Variants in GABPB1 observed in about 807,000 individuals in gnomAD.
GABPB1 encodes GA binding protein transcription factor subunit beta 1, also known as GA-binding protein subunit beta-1.
A neutral mutation model predicts 45.9 loss-of-function variants in GABPB1; 15 were observed. That is an observed-to-expected ratio of 0.33 (90% CI 0.22 to 0.50). The LOEUF (loss-of-function observed/expected upper bound fraction) is 0.50, where lower values mean the gene tolerates loss of function less well. GABPB1 is among the 20% of genes least tolerant of loss of function. GABPB1 has a pLI of 0.98. For missense variants in GABPB1, 252 were observed against 457.5 expected (o/e 0.55, Z 4.10); for synonymous variants, 143 against 154.4 (o/e 0.93, Z 0.55).
chr15:50,353,389 GGTT>G (rs1475696482), intron 1 of GABPB1: 1 of 151,570 alleles, frequency 6.6e-6, no homozygotes, highest in Non-Finnish European at 1.5e-5. Flanking sequence ...TCTGTTTTTT[GGTT>G]TTTTTTTTAA....
Position 50,355,129 on chromosome 15 carries a change from C to T in GABPB1, c.-145G>A, listed in dbSNP as rs2049052863. The T allele has an allele frequency of 6.5e-6, 1 of 153,128 alleles. No individual in the cohort carries two copies. The highest frequency in any genetic ancestry group is 1.5e-5 in the Non-Finnish European group (1 of 68,288). The allele number at this position is 153,128 out of a possible 1,614,324, so 9.5% of individuals were successfully genotyped here. On this transcript the variant is annotated 5_prime_UTR_variant, in exon 1 of 9. Coordinates refer to ENST00000380877, the MANE Select transcript of GABPB1 (RefSeq NM_016654.5). ...AGGGCGCTATTTTCCGAAAATGCCG[C>T]GTCTGGTCGGCGCCCAAAATCCCCA... is the stretch of plus-strand genomic sequence containing the variant.
chr15:50,323,640 C>T (rs1413076315), intron 1 of GABPB1, among the ~76,000 whole-genome samples: 3 of 152,094 alleles, frequency 2.0e-5, no homozygotes, highest in African/African-American at 4.8e-5. Context: ...CAGGAGCATC[C>T]CTTGAGCCCA....
intron 2 of GABPB1, among the ~76,000 whole-genome samples, chr15:50,305,868 A>G (rs965772183): frequency 2.4e-4 from 36 of 152,010 alleles, no homozygotes; most frequent in African/African-American, 8.7e-4. Flanking sequence ...TGTACCTTCA[A>G]ACTTCTGAGC....
At chr15:50,352,893 AATAAGT>A (rs939875297) in intron 1 of GABPB1, 17 of 152,288 alleles carry the variant, frequency 1.1e-4, no homozygotes, top group African/African-American at 2.9e-4. Flanking sequence ...ATTGTCTCCC[AATAAGT>A]ATAATTGTCT....
intron 1 of GABPB1, among the ~76,000 whole-genome samples, chr15:50,332,130 C>G (rs28721513): frequency 0.027 from 4,112 of 152,204 alleles, 101 homozygotes; most frequent in African/African-American, 0.068. Flanking sequence ...CTGCCTCGGC[C>G]TCCCAAAGTG....
chr15:50,329,014 T>G (rs1437424174), intron 1 of GABPB1, among the ~76,000 whole-genome samples: 1 of 152,242 alleles, frequency 6.6e-6, no homozygotes, highest in Non-Finnish European at 1.5e-5. Flanking sequence ...TTTCTTCTGA[T>G]GTTCAAATTG....
intron 1 of GABPB1, among the ~76,000 whole-genome samples, chr15:50,312,232 A>AC: frequency 6.6e-6 from 1 of 152,246 alleles, no homozygotes; most frequent in Non-Finnish European, 1.5e-5. Flanking sequence ...TCAAAAAAAA[A>AC]AAATAATCTA....
intron 1 of GABPB1, among the ~76,000 whole-genome samples, chr15:50,323,888 A>G (rs1567526415): frequency 1.3e-5 from 2 of 152,082 alleles, no homozygotes; most frequent in South Asian, 4.1e-4. Flanking sequence ...ATTAATTCAT[A>G]AATAAATAAA....
intron 1 of GABPB1, chr15:50,353,632 C>T (rs1447027662): frequency 6.6e-6 from 1 of 151,150 alleles, no homozygotes. Context: ...TCCTTAAATT[C>T]AAAGTCTGAG....
At chr15:50,286,562 T>C (rs1280290346) in intron 7 of GABPB1, among the ~76,000 whole-genome samples, 2 of 152,200 alleles carry the variant, frequency 1.3e-5, no homozygotes, top group Non-Finnish European at 1.5e-5. Context: ...TAAAAATTAG[T>C]ATACATTCTC....
At chr15:50,319,339 T>C (rs2047470763) in intron 1 of GABPB1, among the ~76,000 whole-genome samples, 1 of 152,208 alleles carries the variant, frequency 6.6e-6, no homozygotes, top group African/African-American at 2.4e-5. Context: ...ACGTATATAT[T>C]GCATCGTGGT....
At chr15:50,293,186 T>C (rs558140828) in intron 6 of GABPB1, among the ~76,000 whole-genome samples, 4 of 152,332 alleles carry the variant, frequency 2.6e-5, no homozygotes, top group African/African-American at 4.8e-5. Context: ...CTCTGAAATA[T>C]GCTGAGTTTC....
intron 1 of GABPB1, among the ~76,000 whole-genome samples, chr15:50,313,662 T>C (rs1275067463): frequency 6.6e-6 from 1 of 152,096 alleles, no homozygotes; most frequent in African/African-American, 2.4e-5. Context: ...AACCTAATAG[T>C]TTTGAAGCTA....
At chr15:50,340,382 C>T (rs2048306518) in intron 1 of GABPB1, among the ~76,000 whole-genome samples, 2 of 152,114 alleles carry the variant, frequency 1.3e-5, no homozygotes, top group African/African-American at 4.8e-5. Flanking sequence ...GCAATACTTT[C>T]ATATAGCTCA....
intron 8 of GABPB1, among the ~76,000 whole-genome samples, chr15:50,281,304 C>T (rs1418031679): frequency 1.3e-5 from 2 of 152,158 alleles, no homozygotes; most frequent in African/African-American, 2.4e-5. Context: ...CTCCACCTCC[C>T]GGATTCAAGC....
At chr15:50,319,525 CT>C (rs780890666) in intron 1 of GABPB1, among the ~76,000 whole-genome samples, 1 of 152,108 alleles carries the variant, frequency 6.6e-6, no homozygotes, top group Non-Finnish European at 1.5e-5. Context: ...TAAGTCAGAA[CT>C]GTGCATGTAT....
chr15:50,323,356 T>A (rs1226719977), intron 1 of GABPB1, among the ~76,000 whole-genome samples: 2 of 152,028 alleles, frequency 1.3e-5, no homozygotes, highest in African/African-American at 4.8e-5. Context: ...CCAATCATAA[T>A]TAATAGAATG....
chr15:50,302,435 G>A (rs941060883), intron 4 of GABPB1, among the ~76,000 whole-genome samples: 1 of 152,014 alleles, frequency 6.6e-6, no homozygotes, highest in Non-Finnish European at 1.5e-5. Context: ...CTGAGCTCAA[G>A]AGTTCAACAC....
chr15:50,346,157 G>A (rs2048570074), intron 1 of GABPB1, among the ~76,000 whole-genome samples: 1 of 151,804 alleles, frequency 6.6e-6, no homozygotes, highest in Non-Finnish European at 1.5e-5. Context: ...ATTTGTCATG[G>A]TTACAATGAA....
Sources: allele counts gnomAD v4.1 joint callset (sites outside exome capture counted in the v4.1 genomes callset), GRCh38; gene constraint gnomAD v4.1.1; transcripts MANE v1.5; gene names NCBI Gene and HGNC (gene_info 2026-07-23, HGNC 2026-07-21).